The following KHDC4 variants were observed in gnomAD, a reference collection of about 807,000 sequenced individuals.
The protein encoded by KHDC4 is KH homology domain-containing protein 4.
Under a neutral mutation model 74.5 loss-of-function variants are expected in KHDC4, and 19 were observed. The observed-to-expected ratio is 0.26, with a 90% CI of 0.18 to 0.37. KHDC4 has a LOEUF of 0.37. Among genes scored for constraint, KHDC4 ranks in the 10% least tolerant of loss-of-function variants. The probability of loss-of-function intolerance (pLI) is 1.00; values close to 1 mark genes in which losing one functional copy is unlikely to be tolerated. For missense variants in KHDC4, 632 were observed against 754.1 expected, an observed-to-expected ratio of 0.84 and a Z score of 1.90; for synonymous variants, 253 against 266.1, an observed-to-expected ratio of 0.95 and a Z score of 0.48.
At chr1:155,919,335 T>C (rs1673801933) in intron 10 of KHDC4, among the ~76,000 whole-genome samples, 1 of 152,086 alleles carries the variant, frequency 6.6e-6, no homozygotes, top group Non-Finnish European at 1.5e-5. Context: ...CCTTCAAAAG[T>C]AGAGACCTAC....
At chr1:155,925,140 C>G (rs950302007) in intron 7 of KHDC4, among the ~76,000 whole-genome samples, 4 of 151,862 alleles carry the variant, frequency 2.6e-5, no homozygotes, top group Admixed American at 6.6e-5. Context: ...CATTCTCCTG[C>G]CTCAGCCTCC....
chr1:155,915,917 T>A lies in KHDC4; in HGVS notation c.1601A>T (p.Glu534Val). The A allele has an allele frequency of 6.2e-7, 1 of 1,601,796 alleles. No homozygotes were observed. Among genetic ancestry groups the A allele is most frequent in the Non-Finnish European group, 8.5e-7 (1 of 1,175,988 alleles). The change falls in exon 13 of 14, where the codon GAG becomes GTG. Residue 534 changes from glutamate (E) to valine (V), a missense_variant. This residue lies in a region of KHDC4 where 254 missense variants were observed against 267.4 expected (regional missense o/e 0.95). Transcript: ENST00000368321. ...PAFPVTGIKT[E>V]SDERNGSGTL... The stretch of plus-strand genomic sequence containing the variant: ...CCCAGACCCATTCCTTTCATCGGAC[T>A]CTGTTTTTATTCCAGTCACTGGAAA...
chr1:155,914,167 G>A lies in KHDC4; in HGVS notation c.1799C>T (p.Ser600Leu). The A allele has an allele frequency of 6.2e-7, 1 of 1,614,136 alleles. No individual in the cohort carries two copies. The highest frequency in any genetic ancestry group is 8.5e-7 in the Non-Finnish European group (1 of 1,180,026). ...GWSLGYQYPS[S>L]QPRAKQQMPF... Reference sequence around the variant, plus strand: ...CATCTGTTGTTTAGCTCGTGGTTGTGATGAAGGATATTGGTATCCCAAACT... The same window carrying A: ...CATCTGTTGTTTAGCTCGTGGTTGTAATGAAGGATATTGGTATCCCAAACT... Residue 600 changes from serine to leucine, a missense_variant, in exon 14 of 14, where the codon TCA becomes TTA. By Grantham distance (145) the Ser-to-Leu change is moderately radical (BLOSUM62 -2). This residue lies in a region of KHDC4 where 41 missense variants were observed against 66.0 expected (regional missense o/e 0.62). Coordinates refer to ENST00000368321, the MANE Select transcript of KHDC4 (RefSeq NM_014949.4).
Position 155,921,586 on chromosome 1 carries a change from G to A in KHDC4, c.1055C>T (p.Pro352Leu). The A allele has an allele frequency of 1.9e-6, 3 of 1,614,098 alleles. No homozygotes were observed. The highest frequency in any genetic ancestry group is 2.5e-6 in the Non-Finnish European group (3 of 1,179,998). Residue 352 changes from proline to leucine, a missense_variant, in exon 10 of 14, where the codon CCA becomes CTA. Physicochemically the swap from Pro to Leu is moderately conservative, Grantham distance 98 (BLOSUM62 -3). Around this residue, in one of 4 missense-constraint regions of KHDC4, gnomAD observed 254 missense variants for 267.4 expected, o/e 0.95. Coordinates refer to ENST00000368321, the MANE Select transcript of KHDC4 (RefSeq NM_014949.4). Reference sequence around the variant, plus strand: ...ATAGCCATTGGATGGATAATATGGTGGTTGAGGAGGGACACTACTTATAGC... The same window carrying A: ...ATAGCCATTGGATGGATAATATGGTAGTTGAGGAGGGACACTACTTATAGC... ...PSAISSVPPQ[P>L]PYYPSNGYQS...
chr1:155,925,485 A>G (rs755661856), intron 7 of KHDC4, 147 bp downstream of exon 7: 66 of 671,416 alleles, frequency 9.8e-5, no homozygotes, highest in Non-Finnish European at 1.5e-4. Flanking sequence ...TTCTTTAACT[A>G]ATTATAAAGT....
At chr1:155,919,803 T>C (rs1673815170) in intron 10 of KHDC4, 1 of 163,232 alleles carries the variant, frequency 6.1e-6, no homozygotes, top group South Asian at 1.8e-4. Flanking sequence ...AGAATGAGAT[T>C]CTGTCTCAAA....
At chr1:155,918,980 T>TG (rs1027376133) in intron 10 of KHDC4, among the ~76,000 whole-genome samples, 10 of 150,082 alleles carry the variant, frequency 6.7e-5, no homozygotes, top group East Asian at 2.0e-4. Flanking sequence ...AGTTTTTTTT[T>TG]TTTTTTTTTT....
chr1:155,921,014 G>C (rs556942865), intron 10 of KHDC4, among the ~76,000 whole-genome samples: 1 of 152,308 alleles, frequency 6.6e-6, no homozygotes, highest in East Asian at 1.9e-4. Flanking sequence ...TATTCATTGA[G>C]GTATTATCCA....
chr1:155,928,796 C>G (rs549967591), intron 4 of KHDC4, among the ~76,000 whole-genome samples: 1 of 150,904 alleles, frequency 6.6e-6, no homozygotes, highest in African/African-American at 2.4e-5. Flanking sequence ...ACTAAAAATA[C>G]AAAAAATTAG....
At position 155,934,340 on chromosome 1, in the gene KHDC4, C is replaced by T; in HGVS notation, c.34G>A (p.Gly12Ser). Residue 12 changes from glycine to serine, a missense_variant, in exon 1 of 14, where the codon GGC becomes AGC. By Grantham distance (56) the Gly-to-Ser change is moderately conservative. Transcript: ENST00000368321. ...SAGSATHPGAGGRRSKWDQPA... is the reference protein window; with the variant it reads ...SAGSATHPGASGRRSKWDQPA... Reference sequence around the variant, plus strand: ...CCCTCGCCCCTGAAGCCGTACCCGCCAGCTCCAGGATGTGTCGCGCTCCCC... The same window carrying T: ...CCCTCGCCCCTGAAGCCGTACCCGCTAGCTCCAGGATGTGTCGCGCTCCCC... The T allele has an allele frequency of 1.2e-6, 2 of 1,610,670 alleles. No homozygotes were observed. Among genetic ancestry groups the T allele is most frequent in the South Asian group, 1.1e-5 (1 of 91,042 alleles).
chr1:155,927,969 A>T (rs1342730613), intron 4 of KHDC4, among the ~76,000 whole-genome samples: 1 of 152,146 alleles, frequency 6.6e-6, no homozygotes, highest in African/African-American at 2.4e-5. Context: ...GAGGACTTAA[A>T]TTATAATAAA....
intron 11 of KHDC4, 166 bp from the exon 12 acceptor site, chr1:155,916,903 AT>A (rs3831284): frequency 0.057 from 23,766 of 419,976 alleles, no homozygotes; most frequent in South Asian, 0.074. Context: ...AAAAGTAGGG[AT>A]TTTTTTTTTT....
chr1:155,921,546 A>G lies in KHDC4; in HGVS notation c.1095T>C (p.Pro365=). ...CTGGCTGCTGAGGAGGGGGAACAAC[A>G]GGGTAACCAGACTGATAGCCATTGG... ...YPSNGYQSGY[P]VVPPPQQPVQ... The change falls in exon 10 of 14, where the codon CCT becomes CCC. Residue 365 remains proline, a synonymous_variant. Transcript: ENST00000368321. 1 of 1,614,166 alleles carries G rather than the reference A, an allele frequency of 6.2e-7. No homozygotes were observed. Among genetic ancestry groups the G allele is most frequent in the Non-Finnish European group, 8.5e-7 (1 of 1,180,028 alleles).
At chr1:155,928,245 A>G (rs1364163988) in intron 4 of KHDC4, among the ~76,000 whole-genome samples, 6 of 152,010 alleles carry the variant, frequency 3.9e-5, no homozygotes, top group Non-Finnish European at 7.4e-5. Context: ...GTGGTGGCGC[A>G]TGCTTGTAAT....
At chr1:155,921,222 A>T in intron 10 of KHDC4, 153 bp downstream of exon 10, 1 of 833,302 alleles carries the variant, frequency 1.2e-6, no homozygotes, top group Non-Finnish European at 1.9e-6. Flanking sequence ...ACTAATCCAA[A>T]ATATTCAGGT....
intron 6 of KHDC4, chr1:155,926,174 G>A: frequency 2.1e-6 from 1 of 473,226 alleles, no homozygotes. Flanking sequence ...CTCCTTTCTA[G>A]AATATATCAA....
intron 13 of KHDC4, chr1:155,915,278 C>G (rs1349312233): frequency 2.0e-5 from 3 of 152,054 alleles, no homozygotes; most frequent in African/African-American, 7.2e-5. Context: ...CACCACCATG[C>G]CCAGCTTAAT....
intron 7 of KHDC4, among the ~76,000 whole-genome samples, chr1:155,924,552 G>A (rs933152737): frequency 3.4e-5 from 5 of 148,278 alleles, no homozygotes; most frequent in African/African-American, 5.0e-5. Context: ...AGATAATTCC[G>A]TCTCCTAATT....
At chr1:155,929,415 G>T in intron 3 of KHDC4, 40 bp from the exon 4 acceptor site, 1 of 1,510,030 alleles carries the variant, frequency 6.6e-7, no homozygotes, top group Non-Finnish European at 9.2e-7. Context: ...TGTGGCAATT[G>T]GTTGATTTCA....
Sources: allele counts gnomAD v4.1 joint callset (sites outside exome capture counted in the v4.1 genomes callset), GRCh38; gene constraint gnomAD v4.1.1; regional missense constraint gnomAD v4.1.1; transcripts MANE v1.5; gene names NCBI Gene and HGNC (gene_info 2026-07-23, HGNC 2026-07-21).